The following DCDC2C variants were observed in gnomAD, a reference collection of about 807,000 sequenced individuals.
The protein encoded by DCDC2C is doublecortin domain-containing protein 2C.
In DCDC2C, 44 loss-of-function variants were observed where a neutral mutation model predicts 45.0. That is an observed-to-expected ratio of 0.98 (90% CI 0.77 to 1.26). DCDC2C has a LOEUF of 1.26. Ranked by LOEUF, DCDC2C falls within the 50% of genes most tolerant of loss-of-function variation. The pLI, the probability that DCDC2C is intolerant of heterozygous loss-of-function variation, is 0.00. For synonymous variants in DCDC2C, 187 were observed against 178.8 expected (o/e 1.05, Z -0.37); for missense variants, 447 against 468.9 (o/e 0.95, Z 0.43).
intron 10 of DCDC2C, among the ~76,000 whole-genome samples, chr2:3,809,434 T>G (rs542871422): frequency 1.3e-5 from 2 of 152,230 alleles, no homozygotes; most frequent in African/African-American, 4.8e-5. Context: ...TTTAGTATCC[T>G]GACCTTTTCT....
rs1416563619 is a variant in DCDC2C, at chr2:3,704,240, C to A, written c.287+202C>A. The A allele has an allele frequency of 1.1e-5, 5 of 435,014 alleles. No homozygotes were observed. In the East Asian group the frequency reaches 1.8e-4, roughly 16 times the overall value. The allele number at this position is 435,014 out of a possible 1,614,324, so 26.9% of individuals were successfully genotyped here. A position where few individuals can be genotyped will look rare whatever the true frequency, so the allele number is the denominator to read the frequency against. On this transcript the variant is annotated intron_variant, in intron 1 of 10. Coordinates refer to ENST00000399143, the MANE Select transcript of DCDC2C (RefSeq NM_001287444.2). ...TCCTGGGGGCGAAGCCGAGGCAGCC[C>A]CGCCCCCAGGGTCCCTTCCTATGGG...
At position 3,821,293 on chromosome 2, in the gene DCDC2C, C is replaced by T. The variant is rs141837063; in HGVS notation, c.1066-25861C>T. 1.5e-3 allele frequency among the ~76,000 whole-genome samples: 232 copies of T among 152,278 alleles called. 7 individuals carry two copies. In the East Asian group the frequency reaches 0.044, roughly 29 times the overall value. On this transcript the variant is annotated intron_variant, in intron 10 of 10. Coordinates refer to ENST00000399143, the MANE Select transcript of DCDC2C (RefSeq NM_001287444.2). ...TTCAGGCCATCTGGATGTATATGTG[C>T]AGGTCACAGGGGATATGATGGTTTA... is the stretch of plus-strand genomic sequence containing the variant.
At chr2:3,799,956 C>A (rs1053802988) in intron 10 of DCDC2C, among the ~76,000 whole-genome samples, 1 of 152,214 alleles carries the variant, frequency 6.6e-6, no homozygotes, top group Admixed American at 6.5e-5. Context: ...GGCGGGCGCC[C>A]CTCCCCCAGC....
intron 10 of DCDC2C, among the ~76,000 whole-genome samples, chr2:3,843,507 C>A (rs1026724461): frequency 3.9e-5 from 6 of 152,160 alleles, no homozygotes. Flanking sequence ...TCAGGAGCAT[C>A]TTTTTAATTT....
chr2:3,744,173 G>A (rs963840781), intron 4 of DCDC2C, among the ~76,000 whole-genome samples: 22 of 152,132 alleles, frequency 1.4e-4, no homozygotes, highest in South Asian at 2.1e-4. Context: ...ATGTGTTCTC[G>A]GGCACTCAGC....
At chr2:3,798,391 G>A (rs1419518790) in intron 10 of DCDC2C, among the ~76,000 whole-genome samples, 1 of 151,258 alleles carries the variant, frequency 6.6e-6, no homozygotes, top group Non-Finnish European at 1.5e-5. Flanking sequence ...ATATTGTTAT[G>A]TGTGAATTTG....
At chr2:3,754,510 A>G (rs1669634379) in intron 5 of DCDC2C, 82 bp from the exon 6 acceptor site, 1 of 1,415,584 alleles carries the variant, frequency 7.1e-7, no homozygotes, top group African/African-American at 1.4e-5. Context: ...TCCCTCCTAA[A>G]GACAAGGCTG....
rs533438147 is a variant in DCDC2C at position 3,703,998 on chromosome 2, A to C, written c.247A>C (p.Lys83Gln). The C allele has an allele frequency of 4.3e-5, 55 of 1,291,188 alleles. No homozygotes were observed. Among genetic ancestry groups the C allele is most frequent in the Non-Finnish European group, 5.1e-5 (52 of 1,018,924 alleles). The allele number at this position is 1,291,188 out of a possible 1,614,324, so 80.0% of individuals were successfully genotyped here. The change falls in exon 1 of 11, where the codon AAG (lysine) becomes CAG (glutamine). Residue 83 changes from lysine to glutamine, a missense_variant. Coordinates refer to ENST00000399143, the MANE Select transcript of DCDC2C (RefSeq NM_001287444.2). This position sits in a 1 kb window ranked among gnomAD's most constrained non-coding sequence, Gnocchi z 4.4. ...GCTGGACGCGCTGCAGGCGGGCGGC[A>C]AGTACGTGGCGGCGGGCCGCGAGCG... ...LGLDALQAGG[K>Q]YVAAGRERFK... is the part of the protein sequence containing the mutation.
In DCDC2C at chr2:3,740,866, G is replaced by A. The variant is rs916405379; in HGVS notation, c.417-1054G>A. Among the ~76,000 whole-genome samples, 3 of 152,032 alleles carry A rather than the reference G, an allele frequency of 2.0e-5. No individual in the cohort carries two copies. The South Asian group carries it at 6.2e-4, about 32-fold the overall frequency. On this transcript the variant is annotated intron_variant, in intron 3 of 10. Transcript: ENST00000399143. ...ATATTTCTCAAATTCTAAGTTATTT[G>A]CATTTAAGGAAGAAGACAAAAAATG...
chr2:3,834,092 G>GC (rs1232958649), intron 10 of DCDC2C, among the ~76,000 whole-genome samples: 2 of 88,998 alleles, frequency 2.2e-5, no homozygotes, highest in East Asian at 2.9e-4. Flanking sequence ...TCCCCCTCCT[G>GC]CCCCCCCTAC....
At chr2:3,837,210 G>A (rs1162749523) in intron 10 of DCDC2C, among the ~76,000 whole-genome samples, 1 of 152,136 alleles carries the variant, frequency 6.6e-6, no homozygotes, top group East Asian at 1.9e-4. Flanking sequence ...AACGGTATTC[G>A]GAGTTTTGCT....
chr2:3,797,161 T>G (rs1256562707), intron 10 of DCDC2C, among the ~76,000 whole-genome samples: 3 of 152,122 alleles, frequency 2.0e-5, no homozygotes, highest in African/African-American at 2.4e-5. Context: ...TTGCGTAGAG[T>G]TGTTTGTAGT....
chr2:3,780,811 C>T (rs1670489580), intron 9 of DCDC2C, among the ~76,000 whole-genome samples: 2 of 152,184 alleles, frequency 1.3e-5, no homozygotes, highest in South Asian at 4.1e-4. Context: ...TTGTCGGCGT[C>T]ACGCAGGAGG....
At chr2:3,844,008 G>T (rs1045068318) in intron 10 of DCDC2C, among the ~76,000 whole-genome samples, 2 of 152,044 alleles carry the variant, frequency 1.3e-5, no homozygotes, top group African/African-American at 4.8e-5. Flanking sequence ...ATTTATTTCA[G>T]TTGACTTAGG....
intron 2 of DCDC2C, among the ~76,000 whole-genome samples, chr2:3,712,254 G>A (rs552207753): frequency 2.6e-5 from 4 of 152,236 alleles, no homozygotes; most frequent in Middle Eastern, 3.4e-3. Context: ...TCACAGGACC[G>A]AAGGCTGCCC....
At chr2:3,796,783 G>T (rs1394575314) in intron 10 of DCDC2C, among the ~76,000 whole-genome samples, 1 of 147,270 alleles carries the variant, frequency 6.8e-6, no homozygotes, top group Non-Finnish European at 1.5e-5. Flanking sequence ...GTATTTTATT[G>T]AGGATTTTTG....
At chr2:3,755,309 A>T (rs893277427) in intron 6 of DCDC2C, among the ~76,000 whole-genome samples, 13 of 152,048 alleles carry the variant, frequency 8.5e-5, no homozygotes, top group Non-Finnish European at 1.8e-4. Flanking sequence ...GTGCATATGA[A>T]TACATGTTTG....
rs1670164725 is a variant in DCDC2C at position 3,771,400 on chromosome 2, G to A, written c.954+1989G>A. Among the ~76,000 whole-genome samples, 4 of 152,358 alleles carry A rather than the reference G, an allele frequency of 2.6e-5. No individual in the cohort carries two copies. The South Asian group carries it at 8.3e-4, about 32-fold the overall frequency. ...ATGAAGCTCAGGCCATGTAGACAGA[G>A]TGGTGTTGCCCAAACCGCGTTCTGC... On this transcript the variant is annotated intron_variant, in intron 8 of 10. Transcript: ENST00000399143.
intron 3 of DCDC2C, among the ~76,000 whole-genome samples, chr2:3,731,281 A>G (rs904880100): frequency 2.0e-5 from 3 of 152,164 alleles, no homozygotes; most frequent in African/African-American, 7.2e-5. Context: ...TGCTTGGTCC[A>G]CAAGTCTCAG....
Sources: gnomAD v4.1 joint callset for allele counts (sites outside exome capture counted in the v4.1 genomes callset) on GRCh38, gnomAD v4.1.1 for gene constraint, Gnocchi (gnomAD v3.1) non-coding constraint, MANE v1.5 for transcripts, NCBI Gene and HGNC (gene_info 2026-07-23, HGNC 2026-07-21) for gene names.